The following PCDHGB2 variants were observed in gnomAD, a reference collection of about 807,000 sequenced individuals.
PCDHGB2 encodes protocadherin gamma-B2.
PCDHGB2 carries 55 observed loss-of-function variants against 59.3 expected under a neutral mutation model. That is an observed-to-expected ratio of 0.93 (90% confidence interval 0.75 to 1.16). The LOEUF (loss-of-function observed/expected upper bound fraction) is 1.16. Among genes scored for constraint, PCDHGB2 ranks in the 50% most tolerant of loss-of-function variants. The pLI, the probability that PCDHGB2 is intolerant of heterozygous loss-of-function variation, is 0.00. For missense variants in PCDHGB2, 1,228 were observed against 1,198.5 expected (o/e 1.02, Z -0.36); for synonymous variants, 516 against 512.0 (o/e 1.01, Z -0.11).
At chr5:141,376,676 G>GTTTTTTTTTTTTTTTTTTTTTT (rs67197835) in intron 1 of PCDHGB2, 1 of 275,800 alleles carries the variant, frequency 3.6e-6, no homozygotes, top group Non-Finnish European at 6.2e-6. Context: ...TGAGGGTATC[G>GTTTTTTTTTTTTTTTTTTTTTT]TTTTTTTTTT....
At chr5:141,428,018 C>A in intron 1 of PCDHGB2, 12 of 1,604,570 alleles carry the variant, frequency 7.5e-6, no homozygotes, top group Middle Eastern at 1.7e-4. Context: ...TAGTGCCACG[C>A]GCCGCAGAGT....
At chr5:141,409,942 C>T (rs1168442761) in intron 1 of PCDHGB2, 4 of 1,613,284 alleles carry the variant, frequency 2.5e-6, no homozygotes, top group South Asian at 1.1e-5. Flanking sequence ...TGGTACCTCG[C>T]TCTGCAGAGC....
intron 1 of PCDHGB2, among the ~76,000 whole-genome samples, chr5:141,449,677 A>G (rs543079734): frequency 6.3e-4 from 96 of 151,362 alleles, no homozygotes; most frequent in Non-Finnish European, 1.1e-3. Flanking sequence ...GTGTATGTAT[A>G]TATGTTTGTG....
chr5:141,369,686 T>A (rs1449801725), intron 1 of PCDHGB2, among the ~76,000 whole-genome samples: 1 of 152,156 alleles, frequency 6.6e-6, no homozygotes, highest in Non-Finnish European at 1.5e-5. Context: ...AAACATAGAA[T>A]AAAACTAAAA....
chr5:141,404,754 A>G, intron 1 of PCDHGB2: 1 of 1,612,286 alleles, frequency 6.2e-7, no homozygotes, highest in Non-Finnish European at 8.5e-7. Flanking sequence ...TCAGGCCAGA[A>G]TGCTTGGCTC....
chr5:141,505,324 G>A, intron 2 of PCDHGB2, 69 bp from the exon 3 acceptor site: 2 of 1,607,104 alleles, frequency 1.2e-6, no homozygotes, highest in African/African-American at 1.3e-5. Context: ...GGAGCCCTGG[G>A]AGAGGACAGG....
At chr5:141,467,431 C>T (rs1452587540) in intron 1 of PCDHGB2, among the ~76,000 whole-genome samples, 1 of 152,170 alleles carries the variant, frequency 6.6e-6, no homozygotes, top group African/African-American at 2.4e-5. Flanking sequence ...GTTATAGAAA[C>T]ATTCATTACT....
chr5:141,474,291 AGT>A (rs1191263215), intron 1 of PCDHGB2, among the ~76,000 whole-genome samples: 1 of 152,210 alleles, frequency 6.6e-6, no homozygotes, highest in Admixed American at 6.5e-5. Flanking sequence ...CCACTAGATC[AGT>A]GCTTGTCAAA....
At chr5:141,428,220 C>T (rs1228544858) in intron 1 of PCDHGB2, 1 of 1,178,786 alleles carries the variant, frequency 8.5e-7, no homozygotes. Flanking sequence ...ACCTAGTCTT[C>T]GCAGACAGCC....
intron 1 of PCDHGB2, among the ~76,000 whole-genome samples, chr5:141,465,280 C>T (rs922029628): frequency 7.2e-5 from 11 of 151,990 alleles, no homozygotes; most frequent in Non-Finnish European, 1.5e-4. Flanking sequence ...TTAGTTCACC[C>T]CTAAAGAACT....
At chr5:141,509,507 T>G (rs2099877110) in intron 3 of PCDHGB2, among the ~76,000 whole-genome samples, 1 of 151,792 alleles carries the variant, frequency 6.6e-6, no homozygotes, top group African/African-American at 2.4e-5. Flanking sequence ...GATGTGACGG[T>G]GTTGATGATG....
rs768882594 is a variant in PCDHGB2, at chr5:141,360,320, C to T, written c.185C>T (p.Pro62Leu). The part of the protein sequence containing the change: ...KDLGLSVRDL[P>L]ARKLRVSAEK... Reference sequence around the variant, plus strand: ...CTGGGGCTCAGCGTCCGGGACTTGCCAGCCCGGAAGCTGCGGGTTAGCGCG... The same window carrying T: ...CTGGGGCTCAGCGTCCGGGACTTGCTAGCCCGGAAGCTGCGGGTTAGCGCG... The change falls in exon 1 of 4, where the codon CCA becomes CTA. Residue 62 changes from proline (P) to leucine (L), a missense_variant. Pro to Leu is a moderately conservative substitution (Grantham distance 98, BLOSUM62 -3). Around this residue, in one of 3 missense-constraint regions of PCDHGB2, gnomAD observed 781 missense variants for 721.6 expected, o/e 1.08. Transcript: ENST00000522605. The T allele has an allele frequency of 1.1e-5, 18 of 1,613,930 alleles. No individual in the cohort carries two copies. Among genetic ancestry groups the T allele is most frequent in the Admixed American group, 6.7e-5 (4 of 60,022 alleles).
intron 1 of PCDHGB2, chr5:141,393,190 T>C: frequency 6.2e-7 from 1 of 1,613,384 alleles, no homozygotes; most frequent in Non-Finnish European, 8.5e-7. Flanking sequence ...ATAATTGATA[T>C]TAACGATAAT....
In PCDHGB2 at chr5:141,476,348, G is replaced by T. The variant is rs764669470; in HGVS notation, c.2422-18459G>T. On this transcript the variant is annotated intron_variant, in intron 1 of 3. Transcript: ENST00000522605. This position sits in a 1 kb window ranked among gnomAD's most constrained non-coding sequence, Gnocchi z 7.6. ...GTCTGGAGCTAGCCGAAGATTCTTTGAGGTGAACCGGGAGACCGGAGAGAT... is the reference window on the plus strand; with the variant it reads ...GTCTGGAGCTAGCCGAAGATTCTTTTAGGTGAACCGGGAGACCGGAGAGAT... 1 of 1,614,190 alleles carries T rather than the reference G, an allele frequency of 6.2e-7. No individual in the cohort carries two copies. The highest frequency in any genetic ancestry group is 8.5e-7 in the Non-Finnish European group (1 of 1,180,032).
chr5:141,486,498 T>C lies in PCDHGB2; in HGVS notation c.2422-8309T>C, dbSNP rs755907391. On this transcript the variant is annotated intron_variant, in intron 1 of 3. Coordinates refer to ENST00000522605, the MANE Select transcript of PCDHGB2 (RefSeq NM_018923.3). The surrounding 1 kb of genome is among the most constrained non-coding windows in gnomAD (Gnocchi z 5.0). The stretch of plus-strand genomic sequence containing the variant: ...CCTCTCAGTACCCACAGAACTATTT[T>C]CCTCAATATTTCAGATGTGAATGAT... 6.2e-7 allele frequency: 1 copy of C among 1,614,030 alleles called. No individual in the cohort carries two copies. The highest frequency in any genetic ancestry group is 8.5e-7 in the Non-Finnish European group (1 of 1,179,874).
intron 1 of PCDHGB2, chr5:141,365,491 T>C (rs1421150605): frequency 1.9e-6 from 3 of 1,614,014 alleles, no homozygotes; most frequent in Non-Finnish European, 2.5e-6. Flanking sequence ...GCTCTATTCC[T>C]AGGAATTTGC....
Position 141,365,783 on chromosome 5 carries a change from G to T in PCDHGB2, c.2421+3227G>T, listed in dbSNP as rs906678928. 8 of 1,613,842 alleles carry T rather than the reference G, an allele frequency of 5.0e-6. No individual in the cohort carries two copies. Among genetic ancestry groups the T allele is most frequent in the Non-Finnish European group, 6.8e-6 (8 of 1,179,874 alleles). On this transcript the variant is annotated intron_variant, in intron 1 of 3. Transcript: ENST00000522605. ...CCATGACCCCGACAGCGGCGACAAC[G>T]CTCGAGTCACCTACTCCCTGGCTGA...
At chr5:141,365,669 G>C (rs1304025932) in intron 1 of PCDHGB2, 1 of 1,613,344 alleles carries the variant, frequency 6.2e-7, no homozygotes, top group Admixed American at 1.7e-5. Flanking sequence ...AGACGTTAAT[G>C]ACAACCCACC....
intron 1 of PCDHGB2, among the ~76,000 whole-genome samples, chr5:141,451,302 G>T (rs1445994098): frequency 6.6e-6 from 1 of 152,208 alleles, no homozygotes; most frequent in Non-Finnish European, 1.5e-5. Context: ...GTCTTACAAG[G>T]CAGCAATTAA....
Sources: allele counts gnomAD v4.1 joint callset (sites outside exome capture counted in the v4.1 genomes callset), GRCh38; gene constraint gnomAD v4.1.1; regional missense constraint gnomAD v4.1.1; non-coding constraint Gnocchi (gnomAD v3.1); transcripts MANE v1.5; gene names NCBI Gene and HGNC (gene_info 2026-07-23, HGNC 2026-07-21).